PATL1: variants seen among roughly 807,000 people sequenced by gnomAD.
PATL1 encodes the protein PAT1 homolog 1, processing body mRNA decay factor.
PATL1 carries 32 observed loss-of-function variants against 100.6 expected under a neutral mutation model. That is an observed-to-expected ratio of 0.32 (90% CI 0.24 to 0.43). The LOEUF is 0.43. PATL1 is among the 20% of genes least tolerant of loss of function. The probability of loss-of-function intolerance (pLI) is 1.00; values close to 1 mark genes in which losing one functional copy is unlikely to be tolerated. For missense variants in PATL1, 747 were observed against 949.9 expected (o/e 0.79, Z 2.81); for synonymous variants, 332 against 330.0 (o/e 1.01, Z -0.07).
chr11:59,668,906 G>A lies in PATL1; in HGVS notation c.-11C>T. 3 of 822,552 alleles carry A rather than the reference G, an allele frequency of 3.6e-6. No homozygotes were observed. The highest frequency in any genetic ancestry group is 2.4e-5 in the South Asian group (1 of 40,882). The allele number at this position is 822,552 out of a possible 1,614,324, so 51.0% of individuals were successfully genotyped here. A position where few individuals can be genotyped will look rare whatever the true frequency, so the allele number is the denominator to read the frequency against. On this transcript the variant is annotated 5_prime_UTR_variant, in exon 1 of 19. Transcript: ENST00000300146. ...CTCGTAGCGGAACATTCTTGGGGAG[G>A]GGGGCAGGGAGCGGGGAGGGGAGAG...
chr11:59,650,883 G>A lies in PATL1; in HGVS notation c.1525-70C>T, dbSNP rs971706855. 2.4e-5 allele frequency: 26 copies of A among 1,072,688 alleles called. 1 individual carries two copies. In the South Asian group the frequency reaches 3.6e-4, roughly 15 times the overall value. The allele number at this position is 1,072,688 out of a possible 1,614,324, so 66.4% of individuals were successfully genotyped here. ...AAAATAATTTACCAAGTGCGCATTTGTAGGTTCATTTGTGACAATACTTTG... is the reference window on the plus strand; with the variant it reads ...AAAATAATTTACCAAGTGCGCATTTATAGGTTCATTTGTGACAATACTTTG... On this transcript the variant is annotated intron_variant, in intron 12 of 18. Coordinates refer to ENST00000300146, the MANE Select transcript of PATL1 (RefSeq NM_152716.3).
In PATL1 at chr11:59,655,703, C is replaced by T. The variant is rs770413258; in HGVS notation, c.851G>A (p.Arg284Gln). 3.8e-5 allele frequency: 61 copies of T among 1,602,810 alleles called. No homozygotes were observed. In the Admixed American group the frequency reaches 8.8e-4, roughly 23 times the overall value. The change falls in exon 8 of 19, where the codon CGG becomes CAG. Residue 284 changes from arginine (R) to glutamine (Q), a missense_variant. By Grantham distance (43) the Arg-to-Gln change is conservative. Coordinates refer to ENST00000300146, the MANE Select transcript of PATL1 (RefSeq NM_152716.3). ...TGGACTACCAACAAATCCAGGGACC[C>T]GTGCAAACTGGCTGGGAGACATCCG... ...PGRMSPSQFA[R>Q]VPGFVGSPLA...
Position 59,652,597 on chromosome 11 carries a change from G to A in PATL1, c.1303-10C>T, listed in dbSNP as rs12419076. The A allele has an allele frequency of 6.2e-7, 1 of 1,612,558 alleles. No homozygotes were observed. Among genetic ancestry groups the A allele is most frequent in the Non-Finnish European group, 8.5e-7 (1 of 1,179,514 alleles). The stretch of plus-strand genomic sequence containing the variant: ...GTTTTTCAAAGTAATTCTACCACGA[G>A]AAGATGATTTCAGTTGTAACACAAG... On this transcript the variant is annotated splice_polypyrimidine_tract_variant and intron_variant, in intron 10 of 18. Transcript: ENST00000300146.
chr11:59,657,751 T>C, intron 4 of PATL1, 27 bp from the exon 5 acceptor site: 2 of 1,505,564 alleles, frequency 1.3e-6, no homozygotes, highest in East Asian at 2.3e-5. Context: ...TAAAATAAAA[T>C]AGAAATTAAC....
chr11:59,664,102 C>G (rs1291093142), intron 2 of PATL1, among the ~76,000 whole-genome samples: 1 of 152,188 alleles, frequency 6.6e-6, no homozygotes, highest in Non-Finnish European at 1.5e-5. Flanking sequence ...AAAATCCTTT[C>G]TAATCACCCT....
Position 59,668,155 on chromosome 11 carries a change from T to C in PATL1, c.15+726A>G, listed in dbSNP as rs534599033. On this transcript the variant is annotated intron_variant, in intron 1 of 18. Transcript: ENST00000300146. ...TTTTTAAATTAAAAATTCTTAAGGA[T>C]CATTTACATCAGTTCTTTCATGCTA... is the stretch of plus-strand genomic sequence containing the variant. Among the ~76,000 whole-genome samples the C allele has an allele frequency of 9.2e-5, 14 of 152,332 alleles. No homozygotes were observed. In the South Asian group the frequency reaches 2.7e-3, roughly 29 times the overall value.
Position 59,656,004 on chromosome 11 carries a change from A to G in PATL1, c.765T>C (p.Pro255=). ...CTCTCTGGAGGGGGCTGAGAACAGG[A>G]GGAACACTAGGAGGAAAAGGGTGAC... ...LLGHPFPPSV[P]PVLSPLQRAQ... The change falls in exon 7 of 19, where the codon CCT becomes CCC. Residue 255 remains proline, a synonymous_variant. Transcript: ENST00000300146. The G allele has an allele frequency of 6.4e-7, 1 of 1,572,590 alleles. No individual in the cohort carries two copies. The highest frequency in any genetic ancestry group is 1.2e-5 in the South Asian group (1 of 84,464).
Position 59,649,561 on chromosome 11 carries a change from A to G in PATL1, c.1634T>C (p.Leu545Pro), listed in dbSNP as rs1247202745. The change falls in exon 14 of 19, where the codon CTA becomes CCA. Residue 545 changes from leucine (L) to proline (P), a missense_variant. Physicochemically the swap from Leu to Pro is moderately conservative, Grantham distance 98. Around this residue, in one of 4 missense-constraint regions of PATL1, gnomAD observed 434 missense variants for 596.1 expected, o/e 0.73. Transcript: ENST00000300146. Reference protein sequence around the residue: ...DVEDYERRYLLSLEEERPALM... With the variant: ...DVEDYERRYLPSLEEERPALM... ...GGCAGGTCGCTCTTCTTCCAGACTT[A>G]GGAGATAACGTCTTTCATAGTCCTC... 6.2e-7 allele frequency: 1 copy of G among 1,613,608 alleles called. No homozygotes were observed. The highest frequency in any genetic ancestry group is 2.2e-5 in the East Asian group (1 of 44,866).
chr11:59,654,176 G>A, intron 8 of PATL1, 104 bp from the exon 9 acceptor site: 1 of 1,002,560 alleles, frequency 1.0e-6, no homozygotes, highest in Non-Finnish European at 1.6e-6. Flanking sequence ...TAACTTAAGG[G>A]ACTACAAAAG....
chr11:59,647,879 T>A lies in PATL1; in HGVS notation c.1768A>T (p.Ile590Phe), dbSNP rs374629130. The A allele has an allele frequency of 6.2e-7, 1 of 1,613,968 alleles. No individual in the cohort carries two copies. The highest frequency in any genetic ancestry group is 8.5e-7 in the Non-Finnish European group (1 of 1,179,874). ...GCAACCATTCTCTTCCCTTTTCGGA[T>A]ACACATGATCTGTACAAAGTGGTCA... ...SDDHFVQIMC[I>F]RKGKRMVARI... Residue 590 changes from isoleucine (I) to phenylalanine (F), a missense_variant, in exon 15 of 19, where the codon ATC becomes TTC. Transcript: ENST00000300146.
rs1054032911 is a variant in PATL1, at chr11:59,636,922, G to A, written c.*1468C>T. ...AATGGTCAGTAGACAACGGTAGAGG[G>A]AAGCTAGGTAACATCACTGGGGAAC... On this transcript the variant is annotated 3_prime_UTR_variant, in exon 19 of 19. Transcript: ENST00000300146. The A allele has an allele frequency of 6.5e-6, 1 of 152,746 alleles. No individual in the cohort carries two copies. Among genetic ancestry groups the A allele is most frequent in the African/African-American group, 2.4e-5 (1 of 41,546 alleles). The allele number at this position is 152,746 out of a possible 1,614,324, so 9.5% of individuals were successfully genotyped here.
intron 4 of PATL1, 96 bp from the exon 5 acceptor site, chr11:59,657,820 T>TA (rs1861558252): frequency 2.1e-6 from 2 of 942,714 alleles, no homozygotes; most frequent in African/African-American, 3.4e-5. Context: ...GAAATTTTTT[T>TA]AACTTTTTAT....
chr11:59,668,795 G>A lies in PATL1; in HGVS notation c.15+86C>T, dbSNP rs1861732378. On this transcript the variant is annotated intron_variant, in intron 1 of 18. Coordinates refer to ENST00000300146, the MANE Select transcript of PATL1 (RefSeq NM_152716.3). ...CCCCCAGCCCGCCCCCTGCCCCGCAGGAACACAGGACCGGCGCGCGGAGAG... is the reference window on the plus strand; with the variant it reads ...CCCCCAGCCCGCCCCCTGCCCCGCAAGAACACAGGACCGGCGCGCGGAGAG... 5.7e-6 allele frequency: 4 copies of A among 704,496 alleles called. No homozygotes were observed. The Admixed American group carries it at 7.4e-5, about 13-fold the overall frequency. 43.6% of individuals were successfully genotyped at this position (704,496 alleles called of 1,614,324 possible).
chr11:59,651,819 C>T (rs1367900000), intron 11 of PATL1, among the ~76,000 whole-genome samples, 178 bp from the exon 12 acceptor site: 1 of 151,952 alleles, frequency 6.6e-6, no homozygotes, highest in Non-Finnish European at 1.5e-5. Flanking sequence ...TATCTCAGCA[C>T]TTTGGGAGGC....
At chr11:59,642,326 C>T (rs1861294196) in intron 16 of PATL1, among the ~76,000 whole-genome samples, 1 of 152,168 alleles carries the variant, frequency 6.6e-6, no homozygotes, top group African/African-American at 2.4e-5. Flanking sequence ...ATATGCCTTC[C>T]TACCCATTAT....
At chr11:59,666,767 C>T (rs1207000783) in intron 2 of PATL1, 86 bp downstream of exon 2, 17 of 1,365,054 alleles carry the variant, frequency 1.2e-5, no homozygotes, top group Non-Finnish European at 1.6e-5. Flanking sequence ...TAAGGTTACC[C>T]CTAATAAGAT....
At chr11:59,668,798 A>C in intron 1 of PATL1, 83 bp downstream of exon 1, 2 of 684,138 alleles carry the variant, frequency 2.9e-6, no homozygotes. Context: ...CCCCGCAGGA[A>C]CACAGGACCG....
At chr11:59,667,533 T>C (rs1203307290) in intron 1 of PATL1, among the ~76,000 whole-genome samples, 1 of 152,222 alleles carries the variant, frequency 6.6e-6, no homozygotes, top group Non-Finnish European at 1.5e-5. Flanking sequence ...AGCTGTGGTA[T>C]GACAAGTTCA....
rs1021320780 is a variant in PATL1, at chr11:59,637,197, A to G, written c.*1193T>C. On this transcript the variant is annotated 3_prime_UTR_variant, in exon 19 of 19. Transcript: ENST00000300146. ...TTCAGGGCTGTAATCACTAGGGATCAAAACTCCTTAGTCTGGTTGATTGCT... is the reference window on the plus strand; with the variant it reads ...TTCAGGGCTGTAATCACTAGGGATCGAAACTCCTTAGTCTGGTTGATTGCT... 2.6e-5 allele frequency: 4 copies of G among 152,402 alleles called. No homozygotes were observed. The highest frequency in any genetic ancestry group is 9.6e-5 in the African/African-American group (4 of 41,454). The allele number at this position is 152,402 out of a possible 1,614,324, so 9.4% of individuals were successfully genotyped here. A position where few individuals can be genotyped will look rare whatever the true frequency, so the allele number is the denominator to read the frequency against.
Sources: gnomAD v4.1 joint callset for allele counts (sites outside exome capture counted in the v4.1 genomes callset) on GRCh38, gnomAD v4.1.1 for gene constraint, gnomAD v4.1.1 regional missense constraint, MANE v1.5 for transcripts, NCBI Gene and HGNC (gene_info 2026-07-23, HGNC 2026-07-21) for gene names.